Variants in MGAM observed in about 807,000 individuals in gnomAD.
MGAM encodes alpha-1,4-glucosidase.
In MGAM, 253 loss-of-function variants were observed where a neutral mutation model predicts 358.8. The ratio of observed to expected loss-of-function variants is 0.71; its 90% confidence interval spans 0.64 to 0.78. The LOEUF (loss-of-function observed/expected upper bound fraction) is 0.78. Ranked by LOEUF, MGAM falls within the 30% of genes least tolerant of loss-of-function variation. The pLI, the probability that MGAM is intolerant of heterozygous loss-of-function variation, is 0.00. For missense variants in MGAM, 3,080 were observed against 3,432.6 expected, an observed-to-expected ratio of 0.90 and a Z score of 2.57; for synonymous variants, 1,105 against 1,227.1, an observed-to-expected ratio of 0.90 and a Z score of 2.08.
At chr7:141,998,381 T>G (rs1231657663) in intron 1 of MGAM, among the ~76,000 whole-genome samples, 1 of 152,140 alleles carries the variant, frequency 6.6e-6, no homozygotes, top group African/African-American at 2.4e-5. Flanking sequence ...GCATTAGGTA[T>G]TTGTCATAAT....
intron 42 of MGAM, among the ~76,000 whole-genome samples, chr7:142,067,966 AT>A (rs1277757546): frequency 0.016 from 123 of 7,804 alleles, 8 homozygotes; most frequent in African/African-American, 0.02. Context: ...ATATATATAA[AT>A]ATATATATAT....
intron 26 of MGAM, 45 bp downstream of exon 26, chr7:142,053,029 T>G: frequency 6.3e-7 from 1 of 1,582,802 alleles, no homozygotes; most frequent in South Asian, 1.1e-5. Context: ...CCCTTTTCAG[T>G]TCCATTACCT....
chr7:142,052,861 C>T lies in MGAM; in HGVS notation c.3036C>T (p.Ser1012=), dbSNP rs544057085. ...CTGTCAGTGATGTTCAGTATAATTC[C>T]CATGGGGCCACAGCTGACATCTCCT... The part of the protein sequence containing the change: ...LYSVSDVQYN[S]HGATADISLK... The change falls in exon 26 of 71, where the codon TCC becomes TCT. Residue 1012 remains serine (S), a synonymous_variant. Coordinates refer to ENST00000475668, the MANE Select transcript of MGAM (RefSeq NM_001365693.1). The T allele has an allele frequency of 2.5e-5, 41 of 1,613,810 alleles. No individual in the cohort carries two copies. The highest frequency in any genetic ancestry group is 3.4e-5 in the Non-Finnish European group (40 of 1,179,840).
rs1813076059 is a variant in MGAM, at chr7:142,068,814, G to A, written c.5061+111G>A. 2 of 952,130 alleles carry A rather than the reference G, an allele frequency of 2.1e-6. 1 individual carries two copies. 59.0% of individuals were successfully genotyped at this position (952,130 alleles called of 1,614,324 possible). A position where few individuals can be genotyped will look rare whatever the true frequency, so the allele number is the denominator to read the frequency against. On this transcript the variant is annotated intron_variant, in intron 43 of 70. Transcript: ENST00000475668. ...TGGCTCTGTAACCCACCTGCTGTGTGGTCTTAGAGAAGCCACTTTAACCCT... is the reference window on the plus strand; with the variant it reads ...TGGCTCTGTAACCCACCTGCTGTGTAGTCTTAGAGAAGCCACTTTAACCCT...
intron 70 of MGAM, among the ~76,000 whole-genome samples, chr7:142,104,998 C>G (rs1816725614): frequency 6.6e-6 from 1 of 152,090 alleles, no homozygotes; most frequent in Non-Finnish European, 1.5e-5. Context: ...TTCTTGTCAA[C>G]AACTTCCCCA....
intron 42 of MGAM, among the ~76,000 whole-genome samples, chr7:142,067,964 A>AT (rs1812960079): frequency 1.9e-4 from 6 of 31,098 alleles, no homozygotes; most frequent in African/African-American, 5.9e-4. Flanking sequence ...ATATATATAT[A>AT]AATATATATA....
intron 3 of MGAM, among the ~76,000 whole-genome samples, chr7:142,017,786 T>G (rs1806091158): frequency 6.6e-6 from 1 of 152,180 alleles, no homozygotes; most frequent in South Asian, 2.1e-4. Context: ...AGCATTTAAT[T>G]AAATTTCATT....
intron 66 of MGAM, 89 bp downstream of exon 66, chr7:142,097,738 C>T: frequency 7.3e-7 from 1 of 1,367,460 alleles, no homozygotes; most frequent in Admixed American, 1.8e-5. Flanking sequence ...CAAATGCTGG[C>T]TCTGTAACCC....
At chr7:142,045,432 ATATAT>A (rs1484087150) in intron 21 of MGAM, among the ~76,000 whole-genome samples, 5 of 111,332 alleles carry the variant, frequency 4.5e-5, no homozygotes, top group African/African-American at 1.5e-4. Flanking sequence ...ATAATACATG[ATATAT>A]TATATATACC....
At position 142,052,344 on chromosome 7, in the gene MGAM, G is replaced by A. The variant is rs770131061; in HGVS notation, c.2856G>A (p.Val952=). The A allele has an allele frequency of 9.3e-6, 15 of 1,610,132 alleles. No homozygotes were observed. Among genetic ancestry groups the A allele is most frequent in the Non-Finnish European group, 1.2e-5 (14 of 1,178,034 alleles). ...TTCTCCTGGGAGAAGCATACACAGTGGAATGGAGCATAAAGATAAGGGATG... is the reference window on the plus strand; with the variant it reads ...TTCTCCTGGGAGAAGCATACACAGTAGAATGGAGCATAAAGATAAGGGATG... The part of the protein sequence containing the change: ...IDLLLGEAYT[V]EWSIKIRDEE... The change falls in exon 25 of 71, where the codon GTG becomes GTA. Residue 952 remains valine, a synonymous_variant. Coordinates refer to ENST00000475668, the MANE Select transcript of MGAM (RefSeq NM_001365693.1).
intron 57 of MGAM, among the ~76,000 whole-genome samples, chr7:142,087,567 T>G (rs1814877812): frequency 6.8e-6 from 1 of 146,248 alleles, no homozygotes; most frequent in Admixed American, 6.9e-5. Context: ...GCCCTACCTC[T>G]GGAGCTGTTC....
intron 45 of MGAM, among the ~76,000 whole-genome samples, chr7:142,074,804 C>T (rs4311588): frequency 0.41 from 59,620 of 145,074 alleles, 16,574 homozygotes; most frequent in Middle Eastern, 0.6. Context: ...ATTTGGTAGT[C>T]AAATATTTTG....
chr7:142,041,727 C>A (rs573434818), intron 21 of MGAM, among the ~76,000 whole-genome samples: 2 of 149,594 alleles, frequency 1.3e-5, no homozygotes, highest in South Asian at 2.1e-4. Context: ...TGGGCTTTTG[C>A]ACTTATCCTT....
intron 40 of MGAM, 96 bp downstream of exon 40, chr7:142,065,927 A>T: frequency 5.0e-6 from 5 of 998,680 alleles, no homozygotes; most frequent in Non-Finnish European, 7.2e-6. Context: ...TTCCTGGGAT[A>T]TCTTTAAAAA....
At chr7:142,096,460 G>A (rs1314377455) in intron 65 of MGAM, 45 bp downstream of exon 65, 3 of 1,603,974 alleles carry the variant, frequency 1.9e-6, no homozygotes, top group South Asian at 1.1e-5. Context: ...CAGCTGTGAG[G>A]CTTGGGGAAA....
At chr7:142,011,563 T>A (rs1396030374) in intron 3 of MGAM, among the ~76,000 whole-genome samples, 1 of 152,182 alleles carries the variant, frequency 6.6e-6, no homozygotes, top group Non-Finnish European at 1.5e-5. Flanking sequence ...GTTATTGAGT[T>A]ACTCAGTCCT....
chr7:142,048,189 G>A lies in MGAM; in HGVS notation c.2587+316G>A, dbSNP rs1810579891. 2.6e-5 allele frequency among the ~76,000 whole-genome samples: 4 copies of A among 151,180 alleles called. No individual in the cohort carries two copies. In the Middle Eastern group the frequency reaches 0.014, roughly 518 times the overall value. On this transcript the variant is annotated intron_variant, in intron 22 of 70. Coordinates refer to ENST00000475668, the MANE Select transcript of MGAM (RefSeq NM_001365693.1). The stretch of plus-strand genomic sequence containing the variant: ...TTTATTGAGGTGGAGTTTTGCTCTT[G>A]TTGCCCAGGCTGGAGTGCAGTGGCG...
chr7:142,082,251 C>T, intron 51 of MGAM, 41 bp downstream of exon 51: 1 of 1,532,832 alleles, frequency 6.5e-7, no homozygotes, highest in South Asian at 1.1e-5. Context: ...CTGCTTCTCT[C>T]CACCCACACT....
chr7:142,020,928 A>G, intron 4 of MGAM, 46 bp from the exon 5 acceptor site: 1 of 1,299,472 alleles, frequency 7.7e-7, no homozygotes, highest in African/African-American at 1.5e-5. Context: ...ATTATTTGAG[A>G]ATTTGCAGAG....
Sources: gnomAD v4.1 joint callset for allele counts (sites outside exome capture counted in the v4.1 genomes callset) on GRCh38, gnomAD v4.1.1 for gene constraint, MANE v1.5 for transcripts, NCBI Gene and HGNC (gene_info 2026-07-23, HGNC 2026-07-21) for gene names.